Variants in SLC35F1 observed in about 807,000 individuals in gnomAD.
SLC35F1 encodes the protein chromosome 6 open reading frame 169.
SLC35F1 carries 14 observed loss-of-function variants against 48.7 expected under a neutral mutation model. The observed-to-expected ratio is 0.29, with a 90% CI of 0.19 to 0.45. The LOEUF (loss-of-function observed/expected upper bound fraction) is 0.45. SLC35F1 is among the 20% of genes least tolerant of loss of function. SLC35F1 has a pLI of 1.00. For missense variants in SLC35F1, 404 were observed against 500.0 expected (o/e 0.81, Z 1.83); for synonymous variants, 190 against 202.2 (o/e 0.94, Z 0.51).
At chr6:117,962,216 C>A (rs1003431098) in intron 1 of SLC35F1, among the ~76,000 whole-genome samples, 1 of 152,124 alleles carries the variant, frequency 6.6e-6, no homozygotes. Flanking sequence ...CAGGGGACTG[C>A]CTTTCCCATC....
chr6:117,945,927 C>G (rs1258083947), intron 1 of SLC35F1, among the ~76,000 whole-genome samples: 1 of 152,108 alleles, frequency 6.6e-6, no homozygotes, highest in Non-Finnish European at 1.5e-5. Context: ...GACCAGGGTC[C>G]TAAGAGAATA....
At chr6:117,948,852 A>G (rs1397637953) in intron 1 of SLC35F1, among the ~76,000 whole-genome samples, 1 of 152,098 alleles carries the variant, frequency 6.6e-6, no homozygotes, top group East Asian at 1.9e-4. Context: ...ACTCAAGCTT[A>G]ATCTTGAAGG....
intron 1 of SLC35F1, among the ~76,000 whole-genome samples, chr6:118,053,742 G>T (rs1400554412): frequency 6.6e-6 from 1 of 151,956 alleles, no homozygotes; most frequent in Non-Finnish European, 1.5e-5. Context: ...TCTTTTTAGG[G>T]TTTTTATTTT....
At chr6:117,950,163 A>G (rs1776345512) in intron 1 of SLC35F1, among the ~76,000 whole-genome samples, 2 of 152,172 alleles carry the variant, frequency 1.3e-5, no homozygotes, top group South Asian at 4.1e-4. Flanking sequence ...TGGTAGAGAT[A>G]TATTCCTCAA....
intron 1 of SLC35F1, among the ~76,000 whole-genome samples, chr6:118,112,327 A>G (rs568596997): frequency 6.6e-6 from 1 of 152,246 alleles, no homozygotes; most frequent in Admixed American, 6.5e-5. Context: ...TGCAAAGTAT[A>G]GTAATTAAGA....
rs1383739494 is a variant in SLC35F1, at chr6:118,317,478, A to T, written c.*3226A>T. On this transcript the variant is annotated 3_prime_UTR_variant, in exon 8 of 8. Transcript: ENST00000360388. The stretch of plus-strand genomic sequence containing the variant: ...GATTTTACCCCATGGGTAGGATTCT[A>T]TTGTTAAGCCACATAACAAAGCACA... The T allele has an allele frequency of 6.6e-6, 1 of 152,126 alleles. No individual in the cohort carries two copies. The highest frequency in any genetic ancestry group is 6.5e-5 in the Admixed American group (1 of 15,276). The allele number at this position is 152,126 out of a possible 1,614,324, so 9.4% of individuals were successfully genotyped here.
intron 1 of SLC35F1, among the ~76,000 whole-genome samples, chr6:118,108,844 G>A (rs73516320): frequency 0.069 from 10,510 of 152,124 alleles, 995 homozygotes; most frequent in African/African-American, 0.21. Context: ...TTATGGGTAT[G>A]TTATTTTCTC....
chr6:117,969,933 C>T (rs1257921318), intron 1 of SLC35F1, among the ~76,000 whole-genome samples: 1 of 152,152 alleles, frequency 6.6e-6, no homozygotes, highest in African/African-American at 2.4e-5. Flanking sequence ...TGCCAAGTTG[C>T]TTTCCAGAAA....
chr6:118,234,154 A>G (rs1404473273), intron 2 of SLC35F1, among the ~76,000 whole-genome samples: 1 of 152,166 alleles, frequency 6.6e-6, no homozygotes, highest in Non-Finnish European at 1.5e-5. Flanking sequence ...GCTGAAGTAC[A>G]TCTCTAGGAC....
chr6:118,101,882 A>C (rs1773263114), intron 1 of SLC35F1, among the ~76,000 whole-genome samples: 2 of 152,202 alleles, frequency 1.3e-5, no homozygotes, highest in Non-Finnish European at 2.9e-5. Flanking sequence ...TTTTCTCTGA[A>C]ATTGAAACCT....
intron 1 of SLC35F1, among the ~76,000 whole-genome samples, chr6:117,971,947 T>C (rs935945646): frequency 2.0e-5 from 3 of 152,250 alleles, no homozygotes; most frequent in African/African-American, 7.2e-5. Flanking sequence ...GTCTTGGTGA[T>C]TAACATTTGG....
chr6:118,104,731 G>T (rs1351540407), intron 1 of SLC35F1, among the ~76,000 whole-genome samples: 1 of 152,142 alleles, frequency 6.6e-6, no homozygotes, highest in Non-Finnish European at 1.5e-5. Flanking sequence ...TTGGACCGGA[G>T]AATGTCACCC....
chr6:118,210,703 T>G (rs1774991010), intron 2 of SLC35F1, among the ~76,000 whole-genome samples: 1 of 152,192 alleles, frequency 6.6e-6, no homozygotes, highest in Non-Finnish European at 1.5e-5. Context: ...TTCTTCCTAT[T>G]CACTCAAGGG....
chr6:118,123,206 A>G (rs1037641522), intron 1 of SLC35F1, among the ~76,000 whole-genome samples: 1 of 152,178 alleles, frequency 6.6e-6, no homozygotes, highest in Non-Finnish European at 1.5e-5. Context: ...TTCTCTGGCT[A>G]TGTCTCCAGG....
chr6:118,048,769 G>A (rs140558090), intron 1 of SLC35F1, among the ~76,000 whole-genome samples: 2,210 of 152,222 alleles, frequency 0.015, 60 homozygotes, highest in African/African-American at 0.05. Context: ...AATCAATATC[G>A]TGAAAATGGC....
At chr6:118,101,607 G>A in intron 1 of SLC35F1, among the ~76,000 whole-genome samples, 1 of 152,180 alleles carries the variant, frequency 6.6e-6, no homozygotes, top group Non-Finnish European at 1.5e-5. Context: ...AGTGGGATGG[G>A]AGAAGGGGAG....
At chr6:118,050,879 G>C (rs1253984129) in intron 1 of SLC35F1, among the ~76,000 whole-genome samples, 1 of 152,092 alleles carries the variant, frequency 6.6e-6, no homozygotes, top group African/African-American at 2.4e-5. Context: ...AGATGGAGAG[G>C]GAACACAAGG....
At chr6:118,281,818 G>A (rs772844690) in intron 6 of SLC35F1, among the ~76,000 whole-genome samples, 13 of 152,134 alleles carry the variant, frequency 8.5e-5, no homozygotes, top group Non-Finnish European at 1.9e-4. Flanking sequence ...ACCCAGTATG[G>A]ACTGTGTTTC....
intron 3 of SLC35F1, among the ~76,000 whole-genome samples, chr6:118,264,628 A>G (rs1037470934): frequency 5.3e-5 from 8 of 152,256 alleles, no homozygotes; most frequent in Non-Finnish European, 1.0e-4. Context: ...ACCATGGCCT[A>G]GCTTGCCCTC....
Sources: allele counts gnomAD v4.1 joint callset (sites outside exome capture counted in the v4.1 genomes callset), GRCh38; gene constraint gnomAD v4.1.1; transcripts MANE v1.5; gene names NCBI Gene and HGNC (gene_info 2026-07-23, HGNC 2026-07-21).